Variants in PATJ observed in about 807,000 individuals in gnomAD.
PATJ encodes inaD-like protein.
A neutral mutation model predicts 224.9 loss-of-function variants in PATJ; 190 were observed. That is an observed-to-expected ratio of 0.84 (90% CI 0.75 to 0.95). The LOEUF is 0.95. Ranked by LOEUF, PATJ falls within the 40% of genes least tolerant of loss-of-function variation. The pLI, the probability that PATJ is intolerant of heterozygous loss-of-function variation, is 0.00. For synonymous variants in PATJ, 769 were observed against 820.3 expected (o/e 0.94, Z 1.07); for missense variants, 2,121 against 2,270.3 (o/e 0.93, Z 1.34).
intron 7 of PATJ, among the ~76,000 whole-genome samples, chr1:61,780,026 C>T (rs1471064346): frequency 6.6e-6 from 1 of 152,114 alleles, no homozygotes; most frequent in Non-Finnish European, 1.5e-5. Context: ...GGGATTCACC[C>T]CCATGACCCA....
chr1:62,029,776 G>GAA (rs903780359), intron 29 of PATJ, among the ~76,000 whole-genome samples: 112 of 152,288 alleles, frequency 7.4e-4, no homozygotes, highest in African/African-American at 2.5e-3. Flanking sequence ...ACATAGGAAA[G>GAA]AACTGAGTCC....
intron 42 of PATJ, among the ~76,000 whole-genome samples, chr1:62,150,848 A>G (rs925012207): frequency 7.2e-5 from 11 of 152,126 alleles, no homozygotes; most frequent in Admixed American, 3.3e-4. Flanking sequence ...AAACAGTTAA[A>G]AACAGTTAAC....
At chr1:62,143,785 G>T (rs1667741056) in intron 41 of PATJ, among the ~76,000 whole-genome samples, 1 of 152,120 alleles carries the variant, frequency 6.6e-6, no homozygotes, top group South Asian at 2.1e-4. Flanking sequence ...ATGTAAAGCT[G>T]TGGGAATGTA....
rs374497351 is a variant in PATJ at position 62,127,990 on chromosome 1, G to A, written c.5062G>A (p.Gly1688Arg). ...EINRELSDAL[G>R]ISIAGGRGSP... is the part of the protein sequence containing the mutation. ...TTTTTAGGAGCTCAGTGATGCCCTT[G>A]GAATCAGTATTGCTGGAGGAAGAGG... Residue 1688 changes from glycine to arginine, a missense_variant, in exon 40 of 44, where the codon GGA becomes AGA. Gly to Arg is a moderately radical substitution (Grantham distance 125). Coordinates refer to ENST00000642238, the MANE Select transcript of PATJ (RefSeq NM_001350145.3). 1.2e-5 allele frequency: 19 copies of A among 1,613,898 alleles called. No homozygotes were observed. The highest frequency in any genetic ancestry group is 1.5e-5 in the Non-Finnish European group (18 of 1,179,944).
In PATJ at chr1:62,129,480, A is replaced by G. The variant is rs577056007; in HGVS notation, c.5271+535A>G. Among the ~76,000 whole-genome samples, 433 of 152,334 alleles carry G rather than the reference A, an allele frequency of 2.8e-3. 1 individual carries two copies. Among genetic ancestry groups the G allele is most frequent in the Middle Eastern group, 0.014 (4 of 294 alleles). ...GGCACAAGGAAATATACCAGGATGTAAAAGCAAAGTGTGCTGTTAATTACC... is the reference window on the plus strand; with the variant it reads ...GGCACAAGGAAATATACCAGGATGTGAAAGCAAAGTGTGCTGTTAATTACC... On this transcript the variant is annotated intron_variant, in intron 41 of 43. Coordinates refer to ENST00000642238, the MANE Select transcript of PATJ (RefSeq NM_001350145.3).
intron 27 of PATJ, among the ~76,000 whole-genome samples, chr1:61,936,040 C>T (rs1451307019): frequency 6.6e-6 from 1 of 151,652 alleles, no homozygotes; most frequent in Admixed American, 6.6e-5. Flanking sequence ...ATTCACATAC[C>T]ATATAATTCA....
rs141070326 is a variant in PATJ at position 62,121,062 on chromosome 1, C to T, written c.4891-119C>T. ...TTTTTGTTTTCTTTCCTGGCCTCCTCACGATTTTCTGTTAGATGGTTATGG... is the reference window on the plus strand; with the variant it reads ...TTTTTGTTTTCTTTCCTGGCCTCCTTACGATTTTCTGTTAGATGGTTATGG... On this transcript the variant is annotated intron_variant, in intron 37 of 43. Coordinates refer to ENST00000642238, the MANE Select transcript of PATJ (RefSeq NM_001350145.3). 1.2e-4 allele frequency: 79 copies of T among 649,394 alleles called. No individual in the cohort carries two copies. The East Asian group carries it at 2.2e-3, about 18-fold the overall frequency. 40.2% of individuals were successfully genotyped at this position (649,394 alleles called of 1,614,324 possible). A position where few individuals can be genotyped will look rare whatever the true frequency, so the allele number is the denominator to read the frequency against.
intron 37 of PATJ, 185 bp downstream of exon 37, chr1:62,117,403 A>G: frequency 4.2e-6 from 6 of 1,412,816 alleles, no homozygotes; most frequent in South Asian, 1.6e-5. Flanking sequence ...ATTAATCCCT[A>G]GATTTTTCTC....
chr1:61,759,954 G>T (rs1156557955), intron 1 of PATJ, among the ~76,000 whole-genome samples: 1 of 152,028 alleles, frequency 6.6e-6, no homozygotes, highest in Non-Finnish European at 1.5e-5. Flanking sequence ...ATCAATAAAT[G>T]TCAGTTGAGA....
At chr1:61,944,565 A>G (rs1678364787) in intron 27 of PATJ, among the ~76,000 whole-genome samples, 1 of 152,246 alleles carries the variant, frequency 6.6e-6, no homozygotes, top group South Asian at 2.1e-4. Context: ...TCCAAGAAAT[A>G]TAGGACTATG....
intron 26 of PATJ, among the ~76,000 whole-genome samples, chr1:61,919,441 C>A (rs901303392): frequency 1.3e-5 from 2 of 151,658 alleles, no homozygotes; most frequent in Non-Finnish European, 2.9e-5. Context: ...GTAGCTGAGA[C>A]CACTGACGCG....
chr1:61,941,937 G>A (rs1677880269), intron 27 of PATJ, among the ~76,000 whole-genome samples: 1 of 152,202 alleles, frequency 6.6e-6, no homozygotes, highest in Admixed American at 6.5e-5. Context: ...CCAAATGTCA[G>A]TCTTGTTTGA....
chr1:61,896,522 G>C (rs1259261158), intron 22 of PATJ, among the ~76,000 whole-genome samples: 1 of 152,136 alleles, frequency 6.6e-6, no homozygotes, highest in Non-Finnish European at 1.5e-5. Flanking sequence ...TTTGGACTTG[G>C]ACTTTTGGGT....
chr1:62,019,080 T>TA (rs1260761205), intron 29 of PATJ, among the ~76,000 whole-genome samples: 2 of 151,744 alleles, frequency 1.3e-5, no homozygotes, highest in Non-Finnish European at 2.9e-5. Flanking sequence ...CTGTCTCTAC[T>TA]AAAAAATACA....
intron 8 of PATJ, among the ~76,000 whole-genome samples, chr1:61,788,662 G>GTTTGTTTTGT (rs373735952): frequency 3.3e-5 from 5 of 151,944 alleles, no homozygotes; most frequent in African/African-American, 9.7e-5. Flanking sequence ...TTGTTTGTTT[G>GTTTGTTTTGT]TTTGTTTTGT....
At chr1:61,964,767 A>G (rs1305512920) in intron 27 of PATJ, among the ~76,000 whole-genome samples, 1 of 151,978 alleles carries the variant, frequency 6.6e-6, no homozygotes. Context: ...TAGCCTGGGC[A>G]ACAGAGCAAG....
chr1:62,120,920 C>A, intron 37 of PATJ: 1 of 388,308 alleles, frequency 2.6e-6, no homozygotes, highest in Non-Finnish European at 4.6e-6. Context: ...TGAAATGATT[C>A]TATGGTCTCC....
At chr1:61,836,070 A>G (rs1181008858) in intron 17 of PATJ, among the ~76,000 whole-genome samples, 5 of 152,206 alleles carry the variant, frequency 3.3e-5, no homozygotes, top group African/African-American at 1.2e-4. Flanking sequence ...ACTCAAAAAA[A>G]TTCAGTAAAG....
chr1:62,123,241 C>A lies in PATJ; in HGVS notation c.5043+183C>A, dbSNP rs981764645. 4.6e-5 allele frequency among the ~76,000 whole-genome samples: 7 copies of A among 151,992 alleles called. 1 individual carries two copies. The East Asian group carries it at 1.4e-3, about 29-fold the overall frequency. On this transcript the variant is annotated intron_variant, in intron 39 of 43. Coordinates refer to ENST00000642238, the MANE Select transcript of PATJ (RefSeq NM_001350145.3). Reference sequence around the variant, plus strand: ...AAAGTACAGTAGAGCACAGAGATGACCTCTATGAATTTTTTGGCAAATCTC... The same window carrying A: ...AAAGTACAGTAGAGCACAGAGATGAACTCTATGAATTTTTTGGCAAATCTC...
Sources: allele counts gnomAD v4.1 joint callset (sites outside exome capture counted in the v4.1 genomes callset), GRCh38; gene constraint gnomAD v4.1.1; transcripts MANE v1.5; gene names NCBI Gene and HGNC (gene_info 2026-07-23, HGNC 2026-07-21).